The following SEMA6D variants were observed in gnomAD, a reference collection of about 807,000 sequenced individuals.
SEMA6D encodes semaphorin-6D.
Under a neutral mutation model 106.6 loss-of-function variants are expected in SEMA6D, and 35 were observed. The observed-to-expected ratio is 0.33, with a 90% CI of 0.25 to 0.44. SEMA6D has a LOEUF of 0.44. Ranked by LOEUF, SEMA6D falls within the 20% of genes least tolerant of loss-of-function variation. SEMA6D has a pLI of 1.00. For missense variants in SEMA6D, 1,185 were observed against 1,345.9 expected (o/e 0.88, Z 1.87); for synonymous variants, 499 against 487.7 (o/e 1.02, Z -0.31).
intron 1 of SEMA6D, among the ~76,000 whole-genome samples, chr15:47,301,347 A>G (rs1039845308): frequency 1.1e-4 from 17 of 152,362 alleles, no homozygotes; most frequent in African/African-American, 4.1e-4. Flanking sequence ...TCCTCAGTCT[A>G]TGCCATCCAG....
In SEMA6D at chr15:47,364,623, C is replaced by T. The variant is rs532085982; in HGVS notation, c.-238-47770C>T. 4.6e-5 allele frequency among the ~76,000 whole-genome samples: 7 copies of T among 152,190 alleles called. No individual in the cohort carries two copies. The South Asian group carries it at 6.2e-4, about 14-fold the overall frequency. On this transcript the variant is annotated intron_variant, in intron 1 of 19. Coordinates refer to the SEMA6D transcript ENST00000558014. ...TAGAATCCAGTTCCCTAAAATACATCGCTTAACACTGTGAGTAGAGGAGGC... is the reference window on the plus strand; with the variant it reads ...TAGAATCCAGTTCCCTAAAATACATTGCTTAACACTGTGAGTAGAGGAGGC...
At chr15:47,195,496 C>G (rs1894277696) in intron 1 of SEMA6D, among the ~76,000 whole-genome samples, 1 of 152,044 alleles carries the variant, frequency 6.6e-6, no homozygotes, top group African/African-American at 2.4e-5. Flanking sequence ...GGTATTAATA[C>G]AAAAATTTTC....
intron 2 of SEMA6D, among the ~76,000 whole-genome samples, chr15:47,459,880 GTTC>G (rs1231883851): frequency 6.6e-6 from 1 of 151,890 alleles, no homozygotes; most frequent in Non-Finnish European, 1.5e-5. Context: ...ACTGTATTTG[GTTC>G]TTCTACTTCA....
At chr15:47,483,933 G>A (rs2043222679) in intron 3 of SEMA6D, among the ~76,000 whole-genome samples, 1 of 152,090 alleles carries the variant, frequency 6.6e-6, no homozygotes, top group South Asian at 2.1e-4. Flanking sequence ...CATACCAGTT[G>A]TGGGTTTCTG....
intron 1 of SEMA6D, among the ~76,000 whole-genome samples, chr15:47,289,131 C>A (rs367992790): frequency 6.6e-6 from 1 of 151,952 alleles, no homozygotes; most frequent in African/African-American, 2.4e-5. Flanking sequence ...GGTGAGCTAA[C>A]ACGCCTGTAA....
intron 1 of SEMA6D, among the ~76,000 whole-genome samples, chr15:47,756,119 A>T (rs1370685302): frequency 6.6e-6 from 1 of 152,156 alleles, no homozygotes; most frequent in East Asian, 1.9e-4. Context: ...CTAGTCAGGC[A>T]TCCTGGCTCT....
intron 3 of SEMA6D, among the ~76,000 whole-genome samples, chr15:47,570,435 A>C (rs778573289): frequency 6.6e-6 from 1 of 152,186 alleles, no homozygotes; most frequent in Non-Finnish European, 1.5e-5. Flanking sequence ...TTTAGTTTAA[A>C]GGTTGATATT....
At chr15:47,514,218 G>A (rs1458998303) in intron 3 of SEMA6D, among the ~76,000 whole-genome samples, 2 of 152,154 alleles carry the variant, frequency 1.3e-5, no homozygotes, top group East Asian at 1.9e-4. Flanking sequence ...TTTCCTGGGG[G>A]CAAGAGACTC....
At chr15:47,464,631 A>C (rs2042607049) in intron 2 of SEMA6D, among the ~76,000 whole-genome samples, 1 of 152,094 alleles carries the variant, frequency 6.6e-6, no homozygotes, top group Non-Finnish European at 1.5e-5. Context: ...GGTGTGACTG[A>C]TTTAGTCAAG....
chr15:47,717,824 C>G (rs1244377509), intron 1 of SEMA6D, 132 bp downstream of exon 1: 1 of 122,598 alleles, frequency 8.2e-6, no homozygotes, highest in Non-Finnish European at 1.6e-5. Flanking sequence ...ACCTGAGATC[C>G]CGAATCGCTG....
intron 2 of SEMA6D, among the ~76,000 whole-genome samples, chr15:47,461,346 A>G (rs2141037559): frequency 6.6e-6 from 1 of 152,030 alleles, no homozygotes; most frequent in Admixed American, 6.6e-5. Flanking sequence ...ACTGCCACAC[A>G]CACACTCTTG....
At chr15:47,561,526 A>C (rs1341170397) in intron 3 of SEMA6D, among the ~76,000 whole-genome samples, 2 of 151,878 alleles carry the variant, frequency 1.3e-5, no homozygotes, top group African/African-American at 4.8e-5. Flanking sequence ...AAAGAGTAAC[A>C]CCAAATCCTA....
At position 47,764,025 on chromosome 15, in the gene SEMA6D, G is replaced by T. The variant is rs146867527; in HGVS notation, c.923G>T (p.Gly308Val). 1.9e-6 allele frequency: 3 copies of T among 1,613,776 alleles called. No homozygotes were observed. The highest frequency in any genetic ancestry group is 2.5e-6 in the Non-Finnish European group (3 of 1,179,882). ...QSITDIIQIN[G>V]IPTVVGVFTT... ...ATTACAGACATAATACAAATCAATG[G>T]CATCCCCACTGTGGTCGGGGTGTTT... is the stretch of plus-strand genomic sequence containing the variant. Residue 308 changes from glycine to valine, a missense_variant, in exon 10 of 19, where the codon GGC becomes GTC. By Grantham distance (109) the Gly-to-Val change is moderately radical. Coordinates refer to ENST00000536845, the MANE Select transcript of SEMA6D (RefSeq NM_001358351.3).
chr15:47,568,531 AAAAGG>A (rs1171048288), intron 3 of SEMA6D, among the ~76,000 whole-genome samples: 2 of 152,202 alleles, frequency 1.3e-5, no homozygotes, highest in Admixed American at 1.3e-4. Flanking sequence ...TCCTCTGCAG[AAAAGG>A]AAAGGAGAGA....
chr15:47,538,218 T>C (rs1159364024), intron 3 of SEMA6D, among the ~76,000 whole-genome samples: 1 of 152,224 alleles, frequency 6.6e-6, no homozygotes, highest in African/African-American at 2.4e-5. Context: ...AGGACATTCC[T>C]AATTACAGTC....
At chr15:47,482,407 A>T (rs1431281181) in intron 3 of SEMA6D, among the ~76,000 whole-genome samples, 1 of 152,058 alleles carries the variant, frequency 6.6e-6, no homozygotes, top group Non-Finnish European at 1.5e-5. Flanking sequence ...TCAAATGCAG[A>T]ATGCTTTTGG....
intron 4 of SEMA6D, among the ~76,000 whole-genome samples, chr15:47,692,371 CACTT>C (rs2078606938): frequency 6.6e-6 from 1 of 152,042 alleles, no homozygotes; most frequent in Non-Finnish European, 1.5e-5. Flanking sequence ...AATGTGCACC[CACTT>C]ACTTTCTTTG....
chr15:47,408,207 C>T (rs1002166365), intron 1 of SEMA6D, among the ~76,000 whole-genome samples: 1 of 152,080 alleles, frequency 6.6e-6, no homozygotes, highest in African/African-American at 2.4e-5. Flanking sequence ...GATTGAGCCC[C>T]GTCTCTGCCA....
At chr15:47,769,811 T>C (rs983691900) in intron 18 of SEMA6D, among the ~76,000 whole-genome samples, 1 of 152,196 alleles carries the variant, frequency 6.6e-6, no homozygotes, top group African/African-American at 2.4e-5. Context: ...TATTTTCAAA[T>C]ATCTTCAGAT....
Sources: allele counts gnomAD v4.1 joint callset (sites outside exome capture counted in the v4.1 genomes callset), GRCh38; gene constraint gnomAD v4.1.1; transcripts MANE v1.5; gene names NCBI Gene and HGNC (gene_info 2026-07-23, HGNC 2026-07-21).